SCML4: variants seen among roughly 807,000 people sequenced by gnomAD.
The protein encoded by SCML4 is Scm polycomb group protein like 4, also known as sex comb on midleg-like protein 4.
SCML4 carries 34 observed loss-of-function variants against 41.1 expected under a neutral mutation model. The observed-to-expected ratio is 0.83, with a 90% confidence interval of 0.63 to 1.10. The LOEUF (loss-of-function observed/expected upper bound fraction) is 1.10. Ranked by LOEUF, SCML4 falls within the 50% of genes least tolerant of loss-of-function variation. SCML4 has a pLI of 0.00. For missense variants in SCML4, 522 were observed against 534.1 expected (o/e 0.98, Z 0.22); for synonymous variants, 214 against 220.9 (o/e 0.97, Z 0.28).
chr6:107,792,484 C>G (rs1487793784), intron 1 of SCML4, among the ~76,000 whole-genome samples: 1 of 152,168 alleles, frequency 6.6e-6, no homozygotes, highest in African/African-American at 2.4e-5. Context: ...GTAATCCCAG[C>G]ACTTTAGGAG....
At position 107,720,688 on chromosome 6, in the gene SCML4, C is replaced by T; in HGVS notation, c.973+15G>A. ...ATGTTAAGTCAGTGGGAAGCTGATG[C>T]ATGCATTACATTACCACATCTGTTT... On this transcript the variant is annotated intron_variant, in intron 6 of 7. Coordinates refer to ENST00000369020, the MANE Select transcript of SCML4 (RefSeq NM_198081.5). 1.3e-6 allele frequency: 2 copies of T among 1,519,114 alleles called. No homozygotes were observed. Among genetic ancestry groups the T allele is most frequent in the Non-Finnish European group, 8.8e-7 (1 of 1,133,520 alleles). 94.1% of individuals were successfully genotyped at this position (1,519,114 alleles called of 1,614,324 possible).
chr6:107,794,557 G>A (rs901472606), intron 1 of SCML4, among the ~76,000 whole-genome samples: 1 of 152,018 alleles, frequency 6.6e-6, no homozygotes, highest in Non-Finnish European at 1.5e-5. Flanking sequence ...GTATACGTAT[G>A]TATATGTGTG....
chr6:107,792,470 G>T (rs1481484003), intron 1 of SCML4, among the ~76,000 whole-genome samples: 1 of 152,174 alleles, frequency 6.6e-6, no homozygotes, highest in Non-Finnish European at 1.5e-5. Context: ...TGTGGTTCAC[G>T]CCTGTAATCC....
At chr6:107,719,071 G>C (rs560877286) in intron 6 of SCML4, 1 of 152,210 alleles carries the variant, frequency 6.6e-6, no homozygotes, top group African/African-American at 2.4e-5. Context: ...GTGTTGGTTC[G>C]TGAAAGATCT....
chr6:107,770,787 T>C (rs1420045186), intron 2 of SCML4, among the ~76,000 whole-genome samples: 2 of 152,212 alleles, frequency 1.3e-5, no homozygotes, highest in African/African-American at 2.4e-5. Flanking sequence ...ATTTTCATTC[T>C]TGGGTCACAG....
At chr6:107,814,280 A>G (rs1438462507) in intron 1 of SCML4, among the ~76,000 whole-genome samples, 1 of 152,238 alleles carries the variant, frequency 6.6e-6, no homozygotes, top group African/African-American at 2.4e-5. Context: ...GGAGCCACTT[A>G]ATTCAAGTGG....
intron 1 of SCML4, among the ~76,000 whole-genome samples, chr6:107,777,101 T>C (rs1781013792): frequency 6.6e-6 from 1 of 152,208 alleles, no homozygotes; most frequent in South Asian, 2.1e-4. Context: ...TTGTACACTT[T>C]TGCATTGTCT....
At chr6:107,801,005 C>T (rs901672328) in intron 1 of SCML4, among the ~76,000 whole-genome samples, 4 of 152,212 alleles carry the variant, frequency 2.6e-5, no homozygotes, top group African/African-American at 7.2e-5. Context: ...CAAGTTTCTG[C>T]GTTCCTTCAT....
At chr6:107,739,648 CA>C (rs1045420754) in intron 5 of SCML4, among the ~76,000 whole-genome samples, 2 of 151,116 alleles carry the variant, frequency 1.3e-5, no homozygotes, top group African/African-American at 4.9e-5. Flanking sequence ...GAGCCTCAAA[CA>C]AAAAAAAACC....
intron 1 of SCML4, among the ~76,000 whole-genome samples, chr6:107,817,735 T>C (rs1274703984): frequency 2.6e-5 from 4 of 151,870 alleles, no homozygotes; most frequent in African/African-American, 9.7e-5. Flanking sequence ...AAATGACTTC[T>C]AACTAAAAGA....
At chr6:107,837,663 G>A in the SCML4 span, among the ~76,000 whole-genome samples, 1 of 152,158 alleles carries the variant, frequency 6.6e-6, no homozygotes. Context: ...ATTCTGGAGT[G>A]CAGGGTCTTT....
chr6:107,758,126 G>A (rs1297953930), intron 2 of SCML4, among the ~76,000 whole-genome samples: 2 of 152,216 alleles, frequency 1.3e-5, no homozygotes, highest in Admixed American at 6.5e-5. Flanking sequence ...CTATGTGCCA[G>A]GAACTGTTCT....
At chr6:107,745,175 C>T (rs374292351) in intron 4 of SCML4, 32 bp from the exon 5 acceptor site, 138 of 1,488,332 alleles carry the variant, frequency 9.3e-5, no homozygotes, top group Non-Finnish European at 1.1e-4. Flanking sequence ...AGCTTAGAGC[C>T]GGGCACTGGA....
intron 1 of SCML4, among the ~76,000 whole-genome samples, chr6:107,780,223 C>T (rs969465989): frequency 4.6e-5 from 7 of 152,168 alleles, no homozygotes; most frequent in South Asian, 4.2e-4. Flanking sequence ...TTTGATAGAA[C>T]GAAACCTTCA....
chr6:107,843,844 G>A, the SCML4 span, among the ~76,000 whole-genome samples: 848 of 152,296 alleles, frequency 5.6e-3, 4 homozygotes, highest in Non-Finnish European at 9.2e-3. Context: ...CCCTAATAAA[G>A]AGATGGGAAG....
chr6:107,713,718 C>T (rs1034777486), intron 6 of SCML4, among the ~76,000 whole-genome samples: 2 of 152,198 alleles, frequency 1.3e-5, no homozygotes, highest in Admixed American at 6.5e-5. Context: ...TGCCTGTGAG[C>T]TGCCCAGGCC....
At chr6:107,802,705 CCCT>C (rs1432250877) in intron 1 of SCML4, among the ~76,000 whole-genome samples, 51 of 132,684 alleles carry the variant, frequency 3.8e-4, no homozygotes, top group Middle Eastern at 3.7e-3. Context: ...CTCTCCCTCT[CCCT>C]CCTCTCCCTC....
intron 1 of SCML4, among the ~76,000 whole-genome samples, chr6:107,784,805 C>G (rs1781758372): frequency 6.6e-6 from 1 of 152,202 alleles, no homozygotes; most frequent in South Asian, 2.1e-4. Context: ...AATCACAAGC[C>G]CATATGTGGG....
chr6:107,828,687 A>G (rs375724488), upstream of SCML4, among the ~76,000 whole-genome samples: 12 of 152,172 alleles, frequency 7.9e-5, no homozygotes, highest in African/African-American at 2.9e-4. Context: ...ATTCAACACA[A>G]GTTTGAGAAC....
Sources: allele counts gnomAD v4.1 joint callset (sites outside exome capture counted in the v4.1 genomes callset), GRCh38; gene constraint gnomAD v4.1.1; transcripts MANE v1.5; gene names NCBI Gene and HGNC (gene_info 2026-07-23, HGNC 2026-07-21).